SYT2: variants seen among roughly 807,000 people sequenced by gnomAD.
SYT2 encodes synaptotagmin 2, also known as synaptotagmin-2.
A neutral mutation model predicts 39.9 loss-of-function variants in SYT2; 15 were observed. The observed-to-expected ratio is 0.38, with a 90% CI of 0.25 to 0.58. The LOEUF (loss-of-function observed/expected upper bound fraction) is 0.58. Among genes scored for constraint, SYT2 ranks in the 20% least tolerant of loss-of-function variants. SYT2 has a pLI of 0.70. For synonymous variants in SYT2, 181 were observed against 204.5 expected, an observed-to-expected ratio of 0.89 and a Z score of 0.98; for missense variants, 389 against 530.3, an observed-to-expected ratio of 0.73 and a Z score of 2.62.
intron 1 of SYT2, chr1:202,643,277 C>A (rs1285659873): frequency 6.6e-6 from 1 of 152,280 alleles, no homozygotes; most frequent in Admixed American, 6.6e-5. Context: ...TTCCCTCTTA[C>A]CCTGGGACGT....
intron 1 of SYT2, among the ~76,000 whole-genome samples, chr1:202,693,437 A>T (rs1198880320): frequency 3.3e-5 from 5 of 152,232 alleles, no homozygotes. Context: ...ACCTGACCCT[A>T]CAATACTGAG....
At chr1:202,629,872 G>GGT (rs1553338287) in intron 1 of SYT2, among the ~76,000 whole-genome samples, 2 of 125,284 alleles carry the variant, frequency 1.6e-5, no homozygotes, top group East Asian at 5.2e-4. Context: ...GCTGGTGGGG[G>GGT]GGGGGGGGTG....
At chr1:202,671,709 C>T (rs186181465) in intron 1 of SYT2, among the ~76,000 whole-genome samples, 90 of 152,320 alleles carry the variant, frequency 5.9e-4, no homozygotes, top group African/African-American at 2.1e-3. Flanking sequence ...TTAGAATCGA[C>T]CCCAAAGGGG....
chr1:202,682,441 G>A (rs1645948324), intron 1 of SYT2, among the ~76,000 whole-genome samples: 1 of 152,222 alleles, frequency 6.6e-6, no homozygotes, highest in South Asian at 2.1e-4. Flanking sequence ...GTGAAAGGAG[G>A]CAGATGGACA....
chr1:202,599,279 T>C lies in SYT2; in HGVS notation c.992A>G (p.Lys331Arg). Residue 331 changes from lysine (K) to arginine (R), a missense_variant, in exon 8 of 9, where the codon AAG becomes AGG. Lys to Arg is a conservative substitution (Grantham distance 26). Around this residue, in one of 4 missense-constraint regions of SYT2, gnomAD observed 84 missense variants for 123.1 expected, o/e 0.68. Coordinates refer to ENST00000367268, the MANE Select transcript of SYT2 (RefSeq NM_177402.5). The surrounding 1 kb of genome is among the most constrained non-coding windows in gnomAD (Gnocchi z 4.4). ...LKKKKTTVKK[K>R]TLNPYFNESF... ...CTCGTTGAAGTATGGGTTCAGGGTC[T>C]TCTTCTTCACGGTTGTCTTCTTCTT... 1 of 1,610,790 alleles carries C rather than the reference T, an allele frequency of 6.2e-7. No individual in the cohort carries two copies. The highest frequency in any genetic ancestry group is 8.5e-7 in the Non-Finnish European group (1 of 1,178,920).
At chr1:202,673,459 C>T (rs532304963) in intron 1 of SYT2, among the ~76,000 whole-genome samples, 3 of 152,228 alleles carry the variant, frequency 2.0e-5, no homozygotes, top group Non-Finnish European at 4.4e-5. Flanking sequence ...TGTCCATACT[C>T]TGAAAAGTTT....
rs1405701939 is a variant in SYT2 at position 202,603,110 on chromosome 1, G to A, written c.354C>T (p.Asp118=). The change falls in exon 4 of 9, where the codon GAC becomes GAT. Residue 118 remains aspartate, a synonymous_variant. Transcript: ENST00000367268. ...CCTCAGTCAGGCCTGTCTCTGCGTC[G>A]TCGTCATCCTGTGGGAGCTGGGGGA... The part of the protein sequence containing the change: ...MKDMKGGQDD[D]DAETGLTEGE... 1.2e-5 allele frequency: 19 copies of A among 1,613,854 alleles called. No homozygotes were observed. The highest frequency in any genetic ancestry group is 2.2e-5 in the East Asian group (1 of 44,892).
chr1:202,679,472 C>T (rs1653472401), intron 1 of SYT2, among the ~76,000 whole-genome samples: 1 of 152,200 alleles, frequency 6.6e-6, no homozygotes, highest in African/African-American at 2.4e-5. Context: ...TTGTCTGGTT[C>T]GGAGGCTTAG....
chr1:202,689,071 C>T (rs1016610626), intron 1 of SYT2, among the ~76,000 whole-genome samples: 1 of 152,142 alleles, frequency 6.6e-6, no homozygotes, highest in African/African-American at 2.4e-5. Flanking sequence ...ACTGAATCTC[C>T]TGAGACCCCT....
intron 1 of SYT2, among the ~76,000 whole-genome samples, chr1:202,621,466 T>G (rs1441712866): frequency 6.6e-6 from 1 of 152,078 alleles, no homozygotes; most frequent in Non-Finnish European, 1.5e-5. Context: ...CTGGCTAGTT[T>G]TAAAGTTTTT....
At chr1:202,692,587 A>G (rs192955219) in intron 1 of SYT2, among the ~76,000 whole-genome samples, 29 of 152,364 alleles carry the variant, frequency 1.9e-4, no homozygotes, top group Middle Eastern at 3.4e-3. Context: ...GGAAAAGGCA[A>G]TCATGGACAC....
chr1:202,670,725 G>A lies in SYT2; in HGVS notation c.-18+39533C>T, dbSNP rs181001789. ...TTAGGCCTCTCCACACCTAATGTTT[G>A]AAAGCAGCTGTCAAGGGAGCAGCAT... On this transcript the variant is annotated intron_variant, in intron 1 of 8. Transcript: ENST00000367268. Among the ~76,000 whole-genome samples, 11 of 152,374 alleles carry A rather than the reference G, an allele frequency of 7.2e-5. No individual in the cohort carries two copies. In the East Asian group the frequency reaches 1.9e-3, roughly 27 times the overall value.
chr1:202,637,395 T>G (rs1037202400), intron 1 of SYT2, among the ~76,000 whole-genome samples: 2 of 152,074 alleles, frequency 1.3e-5, no homozygotes, highest in Admixed American at 6.5e-5. Flanking sequence ...CCAAAAACCA[T>G]GGACTAGGGG....
intron 1 of SYT2, among the ~76,000 whole-genome samples, chr1:202,695,146 A>G (rs1366712003): frequency 3.3e-5 from 5 of 152,162 alleles, no homozygotes; most frequent in Admixed American, 6.5e-5. Context: ...CTTCCTCAGT[A>G]GAAGTGGAAA....
At chr1:202,685,164 A>G (rs1281888805) in intron 1 of SYT2, among the ~76,000 whole-genome samples, 1 of 152,190 alleles carries the variant, frequency 6.6e-6, no homozygotes, top group Non-Finnish European at 1.5e-5. Flanking sequence ...ATTTCCTCCT[A>G]AGGAGTAAAA....
At chr1:202,697,139 C>T (rs1653992880) in intron 1 of SYT2, among the ~76,000 whole-genome samples, 1 of 152,208 alleles carries the variant, frequency 6.6e-6, no homozygotes, top group Non-Finnish European at 1.5e-5. Flanking sequence ...ATGGCAGCTG[C>T]CACAGGGTCT....
chr1:202,709,708 G>A (rs1558469628), intron 1 of SYT2, among the ~76,000 whole-genome samples: 1 of 152,148 alleles, frequency 6.6e-6, no homozygotes, highest in African/African-American at 2.4e-5. Context: ...GCTTCCAGAT[G>A]GCCCCTGCAG....
At position 202,591,001 on chromosome 1, in the gene SYT2, TCACCAGA is replaced by T. The variant is rs549397908; in HGVS notation, c.*5749_*5755del. ...CCCCATGCACACTGCTCCCATCACC[TCACCAGA>T]CAGATGCTCTCTCAACTCTTGCCTC... On this transcript the variant is annotated 3_prime_UTR_variant, in exon 9 of 9. Transcript: ENST00000367268. 2 of 152,354 alleles carry T rather than the reference TCACCAGA, an allele frequency of 1.3e-5. No homozygotes were observed. Among genetic ancestry groups the T allele is most frequent in the South Asian group, 4.1e-4 (2 of 4,824 alleles). The allele number at this position is 152,354 out of a possible 1,614,324, so 9.4% of individuals were successfully genotyped here. A position where few individuals can be genotyped will look rare whatever the true frequency, so the allele number is the denominator to read the frequency against.
chr1:202,601,875 CAT>C lies in SYT2; in HGVS notation c.801+13_801+14del. On this transcript the variant is annotated intron_variant, in intron 6 of 8. Coordinates refer to ENST00000367268, the MANE Select transcript of SYT2 (RefSeq NM_177402.5). The surrounding 1 kb of genome is among the most constrained non-coding windows in gnomAD (Gnocchi z 4.0). ...TTCGTCTTTCTGCCCAACCTGGCCTCATCTCTGCTCTTACCTCCTCCTTTTCC... is the reference window on the plus strand; with the variant it reads ...TTCGTCTTTCTGCCCAACCTGGCCTCCTCTGCTCTTACCTCCTCCTTTTCC... 1 of 1,611,326 alleles carries C rather than the reference CAT, an allele frequency of 6.2e-7. No individual in the cohort carries two copies. Among genetic ancestry groups the C allele is most frequent in the Non-Finnish European group, 8.5e-7 (1 of 1,178,506 alleles).
Sources: allele counts gnomAD v4.1 joint callset (sites outside exome capture counted in the v4.1 genomes callset), GRCh38; gene constraint gnomAD v4.1.1; regional missense constraint gnomAD v4.1.1; non-coding constraint Gnocchi (gnomAD v3.1); transcripts MANE v1.5; gene names NCBI Gene and HGNC (gene_info 2026-07-23, HGNC 2026-07-21).